The following C20orf203 variants were observed in gnomAD, a reference collection of about 807,000 sequenced individuals.
The protein encoded by C20orf203 is uncharacterized protein C20orf203.
C20orf203 carries 16 observed loss-of-function variants against 15.9 expected under a neutral mutation model. The ratio of observed to expected loss-of-function variants is 1.01; its 90% CI spans 0.68 to 1.53. The LOEUF is 1.53. C20orf203 is among the 40% of genes most tolerant of loss of function. C20orf203 has a pLI of 0.00. For missense variants in C20orf203, 263 were observed against 247.5 expected, an observed-to-expected ratio of 1.06 and a Z score of -0.42; for synonymous variants, 98 against 97.2, an observed-to-expected ratio of 1.01 and a Z score of -0.05.
chr20:32,650,771 G>C lies in C20orf203; in HGVS notation c.246C>G (p.Arg82=). The change falls in exon 4 of 6, where the codon CGC becomes CGG. Residue 82 remains arginine (R), a synonymous_variant. Transcript: ENST00000608990. The part of the protein sequence containing the change: ...QRVHPQPSHQ[R]QPPPPQHPGP... ...CTGGGTGTTGCGGAGGAGGAGGCTGGCGCTGGTGGCTGGGCTGGGGGTGGA... is the reference window on the plus strand; with the variant it reads ...CTGGGTGTTGCGGAGGAGGAGGCTGCCGCTGGTGGCTGGGCTGGGGGTGGA... 7 of 1,516,128 alleles carry C rather than the reference G, an allele frequency of 4.6e-6. No homozygotes were observed. The highest frequency in any genetic ancestry group is 6.2e-6 in the Non-Finnish European group (7 of 1,129,576). 93.9% of individuals were successfully genotyped at this position (1,516,128 alleles called of 1,614,324 possible).
rs144412427 is a variant in C20orf203 at position 32,641,262 on chromosome 20, G to C, written c.*1178-575C>G. On this transcript the variant is annotated intron_variant, in intron 4 of 5. Coordinates refer to ENST00000608990, the MANE Select transcript of C20orf203 (RefSeq NM_182584.4). ...AGGTGGAAGGATCACTTGAGCCTGAGGGTTTAAGGCTGCAGTGAGCCGTGA... is the reference window on the plus strand; with the variant it reads ...AGGTGGAAGGATCACTTGAGCCTGACGGTTTAAGGCTGCAGTGAGCCGTGA... 7.4e-3 allele frequency among the ~76,000 whole-genome samples: 1,124 copies of C among 151,398 alleles called. 10 individuals carry two copies. The highest frequency in any genetic ancestry group is 0.013 in the Non-Finnish European group (853 of 67,892).
At chr20:32,644,214 G>A (rs1408592829) in intron 4 of C20orf203, among the ~76,000 whole-genome samples, 1 of 152,190 alleles carries the variant, frequency 6.6e-6, no homozygotes, top group Non-Finnish European at 1.5e-5. Context: ...TTGGGAGGCC[G>A]AGGCGGGTGG....
intron 1 of C20orf203, among the ~76,000 whole-genome samples, chr20:32,652,625 C>T (rs1207047002): frequency 1.3e-5 from 2 of 151,528 alleles, no homozygotes; most frequent in South Asian, 2.1e-4. Context: ...CTAGGAGTCC[C>T]GGATGCTGTG....
At chr20:32,640,468 G>A (rs1982250195) in intron 5 of C20orf203, 98 bp downstream of exon 5, 1 of 152,122 alleles carries the variant, frequency 6.6e-6, no homozygotes, top group Non-Finnish European at 1.5e-5. Context: ...AAAGTGGGCA[G>A]ATCACTTGAG....
intron 5 of C20orf203, among the ~76,000 whole-genome samples, chr20:32,638,212 C>T (rs1982190335): frequency 6.6e-6 from 1 of 152,226 alleles, no homozygotes; most frequent in South Asian, 2.1e-4. Flanking sequence ...ACTGTAATAA[C>T]CATGGCCAAC....
At position 32,665,556 on chromosome 20, in the gene C20orf203, T is replaced by A. The variant is rs577478798; in HGVS notation, c.-264+8076A>T. The stretch of plus-strand genomic sequence containing the variant: ...CAAGACTGGGAAGAGCAAGGCGCGG[T>A]CCAGGAACCAGACAGAAGCTGGTGT... On this transcript the variant is annotated intron_variant, in intron 1 of 5. Transcript: ENST00000608990. 4.6e-5 allele frequency among the ~76,000 whole-genome samples: 7 copies of A among 152,268 alleles called. No homozygotes were observed. In the South Asian group the frequency reaches 1.5e-3, roughly 32 times the overall value.
intron 1 of C20orf203, among the ~76,000 whole-genome samples, chr20:32,654,091 A>G (rs1293517879): frequency 6.6e-6 from 1 of 152,010 alleles, no homozygotes; most frequent in Non-Finnish European, 1.5e-5. Context: ...AAAAAAAAAA[A>G]AAGAGAAAAT....
intron 1 of C20orf203, among the ~76,000 whole-genome samples, chr20:32,661,145 C>T (rs989464161): frequency 6.6e-6 from 1 of 152,172 alleles, no homozygotes; most frequent in Non-Finnish European, 1.5e-5. Flanking sequence ...GGAGGGCCTG[C>T]GTCACCAGCT....
At chr20:32,661,473 C>T (rs1287415233) in intron 1 of C20orf203, among the ~76,000 whole-genome samples, 1 of 152,188 alleles carries the variant, frequency 6.6e-6, no homozygotes, top group Non-Finnish European at 1.5e-5. Context: ...CAGTGGTGTC[C>T]AGCCCTGGCC....
Position 32,649,762 on chromosome 20 carries a change from G to C in C20orf203, c.*670C>G, listed in dbSNP as rs549078837. 6.6e-6 allele frequency: 1 copy of C among 152,408 alleles called. No individual in the cohort carries two copies. Among genetic ancestry groups the C allele is most frequent in the East Asian group, 1.9e-4 (1 of 5,198 alleles). 9.4% of individuals were successfully genotyped at this position (152,408 alleles called of 1,614,324 possible). On this transcript the variant is annotated 3_prime_UTR_variant, in exon 4 of 6. Transcript: ENST00000608990. ...CAGAATGACACAGGGGCTCTGTTCC[G>C]AGGGCCCTCAGCCTCACCCTTCTTC...
At chr20:32,654,255 G>A (rs1982705796) in intron 1 of C20orf203, among the ~76,000 whole-genome samples, 1 of 151,966 alleles carries the variant, frequency 6.6e-6, no homozygotes, top group Non-Finnish European at 1.5e-5. Flanking sequence ...ATTTATACTA[G>A]CATCAAAGAG....
At chr20:32,655,643 A>G (rs1982736999) in intron 1 of C20orf203, among the ~76,000 whole-genome samples, 1 of 152,066 alleles carries the variant, frequency 6.6e-6, no homozygotes, top group Non-Finnish European at 1.5e-5. Flanking sequence ...AAATATAAAA[A>G]TTAGCCCGGC....
Position 32,634,212 on chromosome 20 carries a change from G to C in C20orf203, c.*1358C>G. Reference sequence around the variant, plus strand: ...GCTGGGGCTTGAGTTCAGGGGTTGGGGGGAGGTTCCTAGCCTGGGGGCTCT... The same window carrying C: ...GCTGGGGCTTGAGTTCAGGGGTTGGCGGGAGGTTCCTAGCCTGGGGGCTCT... On this transcript the variant is annotated 3_prime_UTR_variant, in exon 6 of 6. Transcript: ENST00000608990. The C allele has an allele frequency of 2.5e-6, 1 of 398,664 alleles. No homozygotes were observed. The highest frequency in any genetic ancestry group is 4.4e-6 in the Non-Finnish European group (1 of 226,116). 24.7% of individuals were successfully genotyped at this position (398,664 alleles called of 1,614,324 possible).
chr20:32,672,008 T>C (rs1983181254), intron 1 of C20orf203, among the ~76,000 whole-genome samples: 1 of 151,804 alleles, frequency 6.6e-6, no homozygotes, highest in East Asian at 2.0e-4. Flanking sequence ...TTAACAATAC[T>C]GTAGCGTGCA....
chr20:32,643,757 T>C (rs1255687235), intron 4 of C20orf203, among the ~76,000 whole-genome samples: 2 of 152,128 alleles, frequency 1.3e-5, no homozygotes, highest in African/African-American at 2.4e-5. Context: ...TGAACACCCT[T>C]TTCTGCCCAA....
chr20:32,637,994 CTTG>C (rs112866150), intron 5 of C20orf203, among the ~76,000 whole-genome samples: 31,110 of 151,566 alleles, frequency 0.21, 3,695 homozygotes, highest in Non-Finnish European at 0.27. Context: ...GCATTGTGTA[CTTG>C]TTGTTTGCAT....
Position 32,633,941 on chromosome 20 carries a change from G to A in C20orf203, c.*1629C>T, listed in dbSNP as rs1982069780. 1 of 398,224 alleles carries A rather than the reference G, an allele frequency of 2.5e-6. No homozygotes were observed. The highest frequency in any genetic ancestry group is 2.1e-5 in the African/African-American group (1 of 48,632). The allele number at this position is 398,224 out of a possible 1,614,324, so 24.7% of individuals were successfully genotyped here. A position where few individuals can be genotyped will look rare whatever the true frequency, so the allele number is the denominator to read the frequency against. On this transcript the variant is annotated 3_prime_UTR_variant, in exon 6 of 6. Coordinates refer to ENST00000608990, the MANE Select transcript of C20orf203 (RefSeq NM_182584.4). ...ATGCTTCTCCCGGATCCTGATGCCT[G>A]AGCTTCAGCTTCCCCACTCCGGACT... is the stretch of plus-strand genomic sequence containing the variant.
chr20:32,672,112 C>T (rs555195398), intron 1 of C20orf203, among the ~76,000 whole-genome samples: 33 of 152,018 alleles, frequency 2.2e-4, no homozygotes, highest in Middle Eastern at 3.4e-3. Context: ...GTCAGGAGTT[C>T]GAGACCAGCC....
chr20:32,650,408 G>A lies in C20orf203; in HGVS notation c.*24C>T, dbSNP rs771816188. On this transcript the variant is annotated 3_prime_UTR_variant, in exon 4 of 6. Coordinates refer to ENST00000608990, the MANE Select transcript of C20orf203 (RefSeq NM_182584.4). ...TTGGTAGGACAGGCAGGCAGAGCTG[G>A]GGGTGGGGGCGCCCTGGGCTCGGCT... 9 of 1,525,604 alleles carry A rather than the reference G, an allele frequency of 5.9e-6. No homozygotes were observed. Among genetic ancestry groups the A allele is most frequent in the Middle Eastern group, 1.7e-4 (1 of 5,904 alleles). 94.5% of individuals were successfully genotyped at this position (1,525,604 alleles called of 1,614,324 possible).
Sources: gnomAD v4.1 joint callset for allele counts (sites outside exome capture counted in the v4.1 genomes callset) on GRCh38, gnomAD v4.1.1 for gene constraint, MANE v1.5 for transcripts, NCBI Gene and HGNC (gene_info 2026-07-23, HGNC 2026-07-21) for gene names.